ABCB9: variants seen among roughly 807,000 people sequenced by gnomAD.
ABCB9 encodes ATP binding cassette subfamily B member 9, also known as ABC-type oligopeptide transporter ABCB9.
A neutral mutation model predicts 62.0 loss-of-function variants in ABCB9; 36 were observed. The ratio of observed to expected loss-of-function variants is 0.58; its 90% CI spans 0.45 to 0.77. The LOEUF (loss-of-function observed/expected upper bound fraction) is 0.77. Ranked by LOEUF, ABCB9 falls within the 30% of genes least tolerant of loss-of-function variation. The pLI, the probability that ABCB9 is intolerant of heterozygous loss-of-function variation, is 0.00. For missense variants in ABCB9, 943 were observed against 1,054.7 expected (o/e 0.89, Z 1.47); for synonymous variants, 435 against 461.4 (o/e 0.94, Z 0.73).
Position 122,940,435 on chromosome 12 carries a change from A to C in ABCB9, c.1570-151T>G. Reference sequence around the variant, plus strand: ...CTGCTGGCCCCTAAACGTTCTTTCTAAGACACTAGGACTTGGAAGCACCTT... The same window carrying C: ...CTGCTGGCCCCTAAACGTTCTTTCTCAGACACTAGGACTTGGAAGCACCTT... On this transcript the variant is annotated intron_variant, in intron 8 of 11. Transcript: ENST00000280560. The surrounding 1 kb of genome is among the most constrained non-coding windows in gnomAD (Gnocchi z 4.8). The C allele has an allele frequency of 1.1e-6, 1 of 924,170 alleles. No homozygotes were observed. Among genetic ancestry groups the C allele is most frequent in the Non-Finnish European group, 1.6e-6 (1 of 632,180 alleles). The allele number at this position is 924,170 out of a possible 1,614,324, so 57.2% of individuals were successfully genotyped here.
chr12:122,973,578 GAAAAA>G (rs57853191), intron 1 of ABCB9, among the ~76,000 whole-genome samples: 5 of 50,338 alleles, frequency 9.9e-5, no homozygotes, highest in African/African-American at 3.6e-4. Flanking sequence ...CTCAAAAAAA[GAAAAA>G]AAAAAAAAAA....
chr12:122,971,876 G>T (rs543065468), intron 1 of ABCB9, among the ~76,000 whole-genome samples: 5 of 152,138 alleles, frequency 3.3e-5, no homozygotes, highest in African/African-American at 1.2e-4. Context: ...GGTGGGGGAG[G>T]CTGTGTGTGC....
chr12:122,938,751 C>G (rs1029034128), intron 9 of ABCB9, among the ~76,000 whole-genome samples: 2 of 150,180 alleles, frequency 1.3e-5, no homozygotes, highest in Non-Finnish European at 3.0e-5. Flanking sequence ...TGGCGTGAAC[C>G]CGGGAGGTGG....
At chr12:122,933,755 T>C (rs186852249) in intron 10 of ABCB9, among the ~76,000 whole-genome samples, 91 of 152,272 alleles carry the variant, frequency 6.0e-4, no homozygotes, top group African/African-American at 1.9e-3. Context: ...ATTTAAAAAT[T>C]CTTTTAAATT....
downstream of ABCB9, chr12:122,920,884 G>T: frequency 1.3e-6 from 1 of 786,144 alleles, no homozygotes; most frequent in Non-Finnish European, 2.0e-6. Flanking sequence ...CTGCACTCCA[G>T]CCTGGGCAAC....
At chr12:122,933,654 A>G (rs1398656633) in intron 10 of ABCB9, among the ~76,000 whole-genome samples, 2 of 152,066 alleles carry the variant, frequency 1.3e-5, no homozygotes, top group Non-Finnish European at 2.9e-5. Context: ...TTCTAAAATA[A>G]TATATATTTA....
At chr12:122,958,261 T>C (rs2036717429) in intron 2 of ABCB9, among the ~76,000 whole-genome samples, 1 of 151,004 alleles carries the variant, frequency 6.6e-6, no homozygotes, top group Admixed American at 6.6e-5. Flanking sequence ...AAATAATCTA[T>C]GGTATAGCCG....
intron 1 of ABCB9, among the ~76,000 whole-genome samples, chr12:122,965,600 G>A (rs1255574256): frequency 2.0e-5 from 3 of 152,200 alleles, no homozygotes; most frequent in Admixed American, 6.5e-5. Context: ...GAGGCGCGAG[G>A]TGCCCTCCCT....
chr12:122,941,310 C>CT (rs34940073), intron 7 of ABCB9, among the ~76,000 whole-genome samples: 22,163 of 138,960 alleles, frequency 0.16, 2,951 homozygotes, highest in African/African-American at 0.37. Context: ...GATAGCATAG[C>CT]TTTTTTTTTT....
In ABCB9 at chr12:122,929,254, GCCAGCCCCTCACTCCC is replaced by G; in HGVS notation, c.*641_*656del. 3 of 986,046 alleles carry G rather than the reference GCCAGCCCCTCACTCCC, an allele frequency of 3.0e-6. No homozygotes were observed. The South Asian group carries it at 1.4e-4, about 46-fold the overall frequency. 61.1% of individuals were successfully genotyped at this position (986,046 alleles called of 1,614,324 possible). On this transcript the variant is annotated 3_prime_UTR_variant, in exon 12 of 12. Transcript: ENST00000280560. The surrounding 1 kb of genome is among the most constrained non-coding windows in gnomAD (Gnocchi z 6.0). ...CACCCCTGAGGCCCCTCCAGACCTG[GCCAGCCCCTCACTCCC>G]CCAGTTGAGGTTTCGTGTGGTTCAC... is the stretch of plus-strand genomic sequence containing the variant.
chr12:122,923,556 T>A (rs1030732012), intron 11 of ABCB9, among the ~76,000 whole-genome samples: 3 of 152,166 alleles, frequency 2.0e-5, no homozygotes, highest in Non-Finnish European at 4.4e-5. Flanking sequence ...CCCAAAGTGC[T>A]GGGATTACAG....
rs140303524 is a variant in ABCB9, at chr12:122,940,262, G to A, written c.1592C>T (p.Pro531Leu). Residue 531 changes from proline to leucine, a missense_variant, in exon 9 of 12, where the codon CCC becomes CTC. Coordinates refer to ENST00000280560, the MANE Select transcript of ABCB9 (RefSeq NM_019625.4). The surrounding 1 kb of genome is among the most constrained non-coding windows in gnomAD (Gnocchi z 4.8). The stretch of plus-strand genomic sequence containing the variant: ...CCCCACCAGGGCCGTCACCTTGCCG[G>A]GGGACAGGCTGAAGGAGACATTCTG... ...VLQNVSFSLS[P>L]GKVTALVGPS... The A allele has an allele frequency of 2.5e-6, 4 of 1,604,878 alleles. No homozygotes were observed. The highest frequency in any genetic ancestry group is 2.6e-6 in the Non-Finnish European group (3 of 1,174,838).
At chr12:122,936,594 C>T (rs933894028) in intron 9 of ABCB9, among the ~76,000 whole-genome samples, 3 of 150,778 alleles carry the variant, frequency 2.0e-5, no homozygotes, top group African/African-American at 7.3e-5. Context: ...AGTGAGAACC[C>T]GTCTCTACAA....
Position 122,944,382 on chromosome 12 carries a change from G to A in ABCB9, c.1380+9C>T. On this transcript the variant is annotated intron_variant, in intron 7 of 11. Transcript: ENST00000280560. The surrounding 1 kb of genome is among the most constrained non-coding windows in gnomAD (Gnocchi z 4.9). ...TCTCTCTGGATCCCCGGACACACTG[G>A]CCTCTCACCTCCATACAATCTCCCA... 1.2e-6 allele frequency: 2 copies of A among 1,610,816 alleles called. No individual in the cohort carries two copies. The highest frequency in any genetic ancestry group is 1.7e-6 in the Non-Finnish European group (2 of 1,177,794).
intron 2 of ABCB9, among the ~76,000 whole-genome samples, chr12:122,955,206 C>T (rs1025310839): frequency 2.6e-5 from 4 of 152,136 alleles, no homozygotes; most frequent in African/African-American, 9.7e-5. Flanking sequence ...GAGCGTTGGC[C>T]AGGTTAATAA....
chr12:122,959,809 C>G lies in ABCB9; in HGVS notation c.427G>C (p.Gly143Arg). The G allele has an allele frequency of 6.2e-7, 1 of 1,612,474 alleles. No individual in the cohort carries two copies. Among genetic ancestry groups the G allele is most frequent in the Non-Finnish European group, 8.5e-7 (1 of 1,179,552 alleles). Reference protein sequence around the residue: ...LWWLLSTVRPGTQALEPGAAT... With the variant: ...LWWLLSTVRPRTQALEPGAAT... The stretch of plus-strand genomic sequence containing the variant: ...GCCCCTGGCTCCAGGGCCTGGGTGC[C>G]TGGCCGCACGGTGGACAGCAGCCAC... The change falls in exon 2 of 12, where the codon GGC becomes CGC. Residue 143 changes from glycine (G) to arginine (R), a missense_variant. Physicochemically the swap from Gly to Arg is moderately radical, Grantham distance 125. Coordinates refer to ENST00000280560, the MANE Select transcript of ABCB9 (RefSeq NM_019625.4). This position sits in a 1 kb window ranked among gnomAD's most constrained non-coding sequence, Gnocchi z 5.4.
chr12:122,960,252 G>A lies in ABCB9; in HGVS notation c.-17C>T, dbSNP rs1311841719. On this transcript the variant is annotated 5_prime_UTR_variant, in exon 2 of 12. Transcript: ENST00000280560. ...CAGCCGCATCCTGCTGGTTGGAGGTGGGCGGGTGCTGAAGGCCAGGTTGTA... is the reference window on the plus strand; with the variant it reads ...CAGCCGCATCCTGCTGGTTGGAGGTAGGCGGGTGCTGAAGGCCAGGTTGTA... 4 of 1,604,400 alleles carry A rather than the reference G, an allele frequency of 2.5e-6. No individual in the cohort carries two copies. The African/African-American group carries it at 5.3e-5, about 21-fold the overall frequency.
rs1181877292 is a variant in ABCB9 at position 122,940,712 on chromosome 12, C to T, written c.1569+95G>A. ...GGGCAATGATCTTGCCTGACATATT[C>T]CCAGCTGCCCTGCCACAGCCTGGTG... is the stretch of plus-strand genomic sequence containing the variant. On this transcript the variant is annotated intron_variant, in intron 8 of 11. Coordinates refer to ENST00000280560, the MANE Select transcript of ABCB9 (RefSeq NM_019625.4). This position sits in a 1 kb window ranked among gnomAD's most constrained non-coding sequence, Gnocchi z 4.8. 7.1e-7 allele frequency: 1 copy of T among 1,412,050 alleles called. No homozygotes were observed. Among genetic ancestry groups the T allele is most frequent in the Non-Finnish European group, 9.4e-7 (1 of 1,064,138 alleles). The allele number at this position is 1,412,050 out of a possible 1,614,324, so 87.5% of individuals were successfully genotyped here. A position where few individuals can be genotyped will look rare whatever the true frequency, so the allele number is the denominator to read the frequency against.
chr12:122,971,003 G>T (rs1363515939), upstream of ABCB9, among the ~76,000 whole-genome samples: 1 of 152,166 alleles, frequency 6.6e-6, no homozygotes, highest in Non-Finnish European at 1.5e-5. Context: ...TTTGCCAAGG[G>T]TTAGTGAGAA....
Sources: allele counts gnomAD v4.1 joint callset (sites outside exome capture counted in the v4.1 genomes callset), GRCh38; gene constraint gnomAD v4.1.1; non-coding constraint Gnocchi (gnomAD v3.1); transcripts MANE v1.5; gene names NCBI Gene and HGNC (gene_info 2026-07-23, HGNC 2026-07-21).